The following LAMA3 variants were observed in gnomAD, a reference collection of about 807,000 sequenced individuals.
LAMA3 encodes the protein laminin subunit alpha-3.
Under a neutral mutation model 402.0 loss-of-function variants are expected in LAMA3, and 281 were observed. That is an observed-to-expected ratio of 0.70 (90% CI 0.63 to 0.77). The LOEUF is 0.77. LAMA3 is among the 30% of genes least tolerant of loss of function. The pLI is 0.00. For missense variants in LAMA3, 3,840 were observed against 4,215.5 expected, an observed-to-expected ratio of 0.91 and a Z score of 2.47; for synonymous variants, 1,431 against 1,558.4, an observed-to-expected ratio of 0.92 and a Z score of 1.93.
intron 70 of LAMA3, 195 bp downstream of exon 70, chr18:23,946,479 G>A (rs896486040): frequency 3.0e-6 from 2 of 669,848 alleles, no homozygotes; most frequent in Admixed American, 4.8e-5. Context: ...TTTCTAAGGT[G>A]CAGGTTGAGA....
intron 11 of LAMA3, among the ~76,000 whole-genome samples, chr18:23,779,349 A>G (rs1337270151): frequency 6.6e-6 from 1 of 152,152 alleles, no homozygotes; most frequent in African/African-American, 2.4e-5. Context: ...TGAGGAAGAG[A>G]TGATGGTGGT....
In LAMA3 at chr18:23,750,994, A is replaced by T. The variant is rs926014669; in HGVS notation, c.761A>T (p.Lys254Met). The T allele has an allele frequency of 7.4e-6, 12 of 1,614,060 alleles. No homozygotes were observed. In the African/African-American group the frequency reaches 1.6e-4, roughly 22 times the overall value. Residue 254 changes from lysine (K) to methionine (M), a missense_variant, in exon 5 of 75, where the codon AAG (lysine) becomes ATG (methionine). By Grantham distance (95) the Lys-to-Met change is moderately conservative (BLOSUM62 -1). This residue lies in a region of LAMA3 where 2,109 missense variants were observed against 2,376.0 expected (regional missense o/e 0.89). Coordinates refer to ENST00000313654, the MANE Select transcript of LAMA3 (RefSeq NM_198129.4). ...TFSHTLREFT[K>M]ATNIRLRFLR... ...TCTCACACCCTGAGGGAGTTTACCA[A>T]GGCAACAAACATCCGCTTGCGTTTT...
Position 23,775,796 on chromosome 18 carries a change from C to T in LAMA3, c.1278C>T (p.Cys426=). Residue 426 remains cysteine, a synonymous_variant, in exon 10 of 75, where the codon TGC becomes TGT. Transcript: ENST00000313654. ...PVDAPDGCIP[C]SCDPEHADGC... ...GAAAACTGGGATTTCTCTTAGCCTG[C>T]AGCTGTGACCCTGAGCATGCGGATG... 2 of 1,613,998 alleles carry T rather than the reference C, an allele frequency of 1.2e-6. No individual in the cohort carries two copies. Among genetic ancestry groups the T allele is most frequent in the South Asian group, 2.2e-5 (2 of 91,070 alleles).
At chr18:23,798,923 G>A (rs913635169) in intron 12 of LAMA3, among the ~76,000 whole-genome samples, 1 of 152,202 alleles carries the variant, frequency 6.6e-6, no homozygotes, top group African/African-American at 2.4e-5. Flanking sequence ...GCTTATTACT[G>A]CAGGTGAAGA....
At position 23,722,114 on chromosome 18, in the gene LAMA3, G is replaced by T. The variant is rs1385512521; in HGVS notation, c.447+8042G>T. 2.6e-5 allele frequency among the ~76,000 whole-genome samples: 4 copies of T among 152,164 alleles called. No individual in the cohort carries two copies. In the East Asian group the frequency reaches 7.7e-4, roughly 29 times the overall value. On this transcript the variant is annotated intron_variant, in intron 2 of 74. Coordinates refer to ENST00000313654, the MANE Select transcript of LAMA3 (RefSeq NM_198129.4). Reference sequence around the variant, plus strand: ...AGGCACTTTCTCCTGCAAGACCTATGCTATGTCAGTAGAGACCTAACTGTA... The same window carrying T: ...AGGCACTTTCTCCTGCAAGACCTATTCTATGTCAGTAGAGACCTAACTGTA...
Position 23,773,568 on chromosome 18 carries a change from T to C in LAMA3, c.1254T>C (p.Asp418=). 6.3e-7 allele frequency: 1 copy of C among 1,588,494 alleles called. No homozygotes were observed. Among genetic ancestry groups the C allele is most frequent in the Non-Finnish European group, 8.6e-7 (1 of 1,163,788 alleles). ...GYYRPYGVPV[D]APDGCIPCSC... The stretch of plus-strand genomic sequence containing the variant: ...ACCGCCCTTATGGGGTTCCAGTGGA[T>C]GCCCCTGATGGCTGCATCCGTAAGT... The change falls in exon 9 of 75, where the codon GAT becomes GAC. Residue 418 remains aspartate, a synonymous_variant. Transcript: ENST00000313654.
At chr18:23,808,740 C>T (rs1161889729) in intron 12 of LAMA3, among the ~76,000 whole-genome samples, 1 of 152,192 alleles carries the variant, frequency 6.6e-6, no homozygotes, top group African/African-American at 2.4e-5. Context: ...TTCTGTCGTT[C>T]ACCATCATTT....
At chr18:23,766,178 A>G (rs1438954911) in intron 8 of LAMA3, among the ~76,000 whole-genome samples, 1 of 152,214 alleles carries the variant, frequency 6.6e-6, no homozygotes, top group African/African-American at 2.4e-5. Context: ...GCTGAAATCC[A>G]AAGACAAAGT....
intron 60 of LAMA3, among the ~76,000 whole-genome samples, chr18:23,919,767 C>T (rs552299690): frequency 6.6e-6 from 1 of 151,888 alleles, no homozygotes; most frequent in South Asian, 2.1e-4. Flanking sequence ...AGGCAGATGC[C>T]ACGCAGCATC....
rs965612744 is a variant in LAMA3 at position 23,894,606 on chromosome 18, T to G, written c.5461+258T>G. On this transcript the variant is annotated intron_variant, in intron 43 of 74. Transcript: ENST00000313654. ...CTTATAGGGATATTAGGGAAGTGCT[T>G]GTAAATGTCTTATCACAATGCCTGG... 2.6e-5 allele frequency among the ~76,000 whole-genome samples: 4 copies of G among 152,232 alleles called. No individual in the cohort carries two copies. In the South Asian group the frequency reaches 8.3e-4, roughly 32 times the overall value.
At position 23,842,647 on chromosome 18, in the gene LAMA3, G is replaced by C. The variant is rs759685212; in HGVS notation, c.3500G>C (p.Gly1167Ala). The change falls in exon 29 of 75, where the codon GGC becomes GCC. Residue 1167 changes from glycine to alanine, a missense_variant. Transcript: ENST00000313654. ...GCCTCTTTTTGCCCCCATGTGCTTG[G>C]CTGCCGGGATCAAGTGATTGCCGAA... ...FHASFCPHVL[G>A]CRDQVIAEGQ... is the part of the protein sequence containing the mutation. 34 of 1,614,004 alleles carry C rather than the reference G, an allele frequency of 2.1e-5. No homozygotes were observed. Among genetic ancestry groups the C allele is most frequent in the Non-Finnish European group, 2.8e-5 (33 of 1,180,042 alleles).
At chr18:23,952,316 C>T (rs1190945904) in intron 73 of LAMA3, among the ~76,000 whole-genome samples, 2 of 152,088 alleles carry the variant, frequency 1.3e-5, no homozygotes, top group Non-Finnish European at 2.9e-5. Flanking sequence ...TTTGTTAAGG[C>T]TCATTGTTGT....
chr18:23,755,902 G>T (rs1031078820), intron 6 of LAMA3, among the ~76,000 whole-genome samples: 1 of 152,154 alleles, frequency 6.6e-6, no homozygotes, highest in Non-Finnish European at 1.5e-5. Flanking sequence ...ATCAGTCTGG[G>T]CTGCAACAGA....
rs776093601 is a variant in LAMA3, at chr18:23,914,434, G to A, written c.7354G>A (p.Ala2452Thr). The change falls in exon 57 of 75, where the codon GCA (alanine) becomes ACA (threonine). Residue 2452 changes from alanine (A) to threonine (T), a missense_variant. Ala to Thr is a moderately conservative substitution (Grantham distance 58). Coordinates refer to ENST00000313654, the MANE Select transcript of LAMA3 (RefSeq NM_198129.4). ...KDASRDYIGM[A>T]VVDGQLTCVY... ...GGCCTCCCGGGACTACATCGGCATG[G>A]CAGTTGTGGATGGCCAGCTCACCTG... 1 of 1,614,148 alleles carries A rather than the reference G, an allele frequency of 6.2e-7. No individual in the cohort carries two copies. Among genetic ancestry groups the A allele is most frequent in the Non-Finnish European group, 8.5e-7 (1 of 1,180,006 alleles).
At chr18:23,758,648 AG>A in intron 7 of LAMA3, 137 bp downstream of exon 7, 1 of 646,460 alleles carries the variant, frequency 1.5e-6, no homozygotes, top group Non-Finnish European at 2.7e-6. Context: ...TATTGTAATA[AG>A]AACCTCAGAC....
intron 12 of LAMA3, among the ~76,000 whole-genome samples, chr18:23,798,916 T>C (rs948131890): frequency 6.6e-5 from 10 of 152,210 alleles, no homozygotes; most frequent in African/African-American, 2.2e-4. Flanking sequence ...CTCATGAGCT[T>C]ATTACTGCAG....
chr18:23,828,708 A>T (rs926516927), intron 23 of LAMA3, among the ~76,000 whole-genome samples: 3 of 152,232 alleles, frequency 2.0e-5, no homozygotes, highest in Non-Finnish European at 4.4e-5. Flanking sequence ...ACCCAGAGCT[A>T]TAGCACAGAG....
At position 23,915,302 on chromosome 18, in the gene LAMA3, T is replaced by C. The variant is rs370161227; in HGVS notation, c.7658T>C (p.Leu2553Pro). Reference sequence around the variant, plus strand: ...TTTCATTTTCAGCTTCCCAGTCGACTAAGTTTCCCTCCATACAAAGGTTGT... The same window carrying C: ...TTTCATTTTCAGCTTCCCAGTCGACCAAGTTTCCCTCCATACAAAGGTTGT... ...YPPDFKLPSR[L>P]SFPPYKGCIE... Residue 2553 changes from leucine (L) to proline (P), a missense_variant, in exon 59 of 75, where the codon CTA (leucine) becomes CCA (proline). Coordinates refer to ENST00000313654, the MANE Select transcript of LAMA3 (RefSeq NM_198129.4). 5 of 1,613,670 alleles carry C rather than the reference T, an allele frequency of 3.1e-6. No individual in the cohort carries two copies. The African/African-American group carries it at 4.0e-5, about 13-fold the overall frequency.
intron 2 of LAMA3, among the ~76,000 whole-genome samples, chr18:23,729,715 C>G (rs1367217154): frequency 1.3e-5 from 2 of 152,206 alleles, no homozygotes; most frequent in African/African-American, 4.8e-5. Flanking sequence ...CTCATTTAAT[C>G]CTCACTGCAA....
Sources: gnomAD v4.1 joint callset for allele counts (sites outside exome capture counted in the v4.1 genomes callset) on GRCh38, gnomAD v4.1.1 for gene constraint, gnomAD v4.1.1 regional missense constraint, MANE v1.5 for transcripts, NCBI Gene and HGNC (gene_info 2026-07-23, HGNC 2026-07-21) for gene names.